Variants in PLCH2 observed in about 807,000 individuals in gnomAD.
The protein encoded by PLCH2 is 1-phosphatidylinositol 4,5-bisphosphate phosphodiesterase eta-2.
Under a neutral mutation model 134.7 loss-of-function variants are expected in PLCH2, and 98 were observed. The observed-to-expected ratio is 0.73, with a 90% CI of 0.62 to 0.86. The LOEUF is 0.86. Ranked by LOEUF, PLCH2 falls within the 40% of genes least tolerant of loss-of-function variation. The pLI is 0.00. For missense variants in PLCH2, 1,994 were observed against 1,986.6 expected, an observed-to-expected ratio of 1.00 and a Z score of -0.07; for synonymous variants, 974 against 827.5, an observed-to-expected ratio of 1.18 and a Z score of -3.04.
chr1:2,496,997 C>T lies in PLCH2; in HGVS notation c.2103C>T (p.Ala701=), dbSNP rs771483767. ...SNYNPQPFWN[A]GCQMVALNYQ... is the part of the protein sequence containing the mutation. ...ACAACCCGCAGCCCTTCTGGAACGCCGGCTGCCAAATGGGTGGGTGCGGGC... is the reference window on the plus strand; with the variant it reads ...ACAACCCGCAGCCCTTCTGGAACGCTGGCTGCCAAATGGGTGGGTGCGGGC... The change falls in exon 15 of 22, where the codon GCC becomes GCT. Residue 701 remains alanine (A), a synonymous_variant. Transcript: ENST00000378486. 5.0e-6 allele frequency: 8 copies of T among 1,612,792 alleles called. No homozygotes were observed. Among genetic ancestry groups the T allele is most frequent in the Middle Eastern group, 3.3e-4 (2 of 6,084 alleles).
chr1:2,484,745 G>T (rs1642201141), intron 5 of PLCH2, 127 bp downstream of exon 5: 1 of 982,344 alleles, frequency 1.0e-6, no homozygotes, highest in Non-Finnish European at 1.5e-6. Context: ...GGCCAGGGAT[G>T]GGCTACCTGG....
chr1:2,458,099 G>A (rs562027234), intron 2 of PLCH2, among the ~76,000 whole-genome samples: 7 of 152,126 alleles, frequency 4.6e-5, no homozygotes, highest in Non-Finnish European at 8.8e-5. Flanking sequence ...GGGCCATGCC[G>A]TCACTGTGGG....
At chr1:2,497,294 C>T (rs1255053991) in intron 15 of PLCH2, among the ~76,000 whole-genome samples, 2 of 152,264 alleles carry the variant, frequency 1.3e-5, no homozygotes, top group African/African-American at 4.8e-5. Context: ...GCTGGCTGCG[C>T]CAGCTCCGGG....
chr1:2,489,123 A>G, intron 8 of PLCH2, 84 bp from the exon 9 acceptor site: 1 of 1,247,030 alleles, frequency 8.0e-7, no homozygotes, highest in Non-Finnish European at 1.1e-6. Context: ...AATGGTTTAG[A>G]TGACCTGGGA....
At chr1:2,497,643 C>A in intron 16 of PLCH2, 34 bp downstream of exon 16, 1 of 1,427,740 alleles carries the variant, frequency 7.0e-7, no homozygotes. Context: ...CTCGGACGCT[C>A]AGGGCTCGGA....
chr1:2,494,355 C>T (rs890535461), intron 11 of PLCH2: 3 of 180,342 alleles, frequency 1.7e-5, no homozygotes, highest in Non-Finnish European at 3.5e-5. Flanking sequence ...GGTTCCCCAG[C>T]TCAGAACCCG....
chr1:2,468,625 G>C (rs1283237443), intron 1 of PLCH2, among the ~76,000 whole-genome samples: 1 of 152,264 alleles, frequency 6.6e-6, no homozygotes, highest in East Asian at 1.9e-4. Context: ...AAGTGGCTCA[G>C]GCCAGACACC....
chr1:2,472,630 T>A (rs1641380992), upstream of PLCH2, among the ~76,000 whole-genome samples: 1 of 152,244 alleles, frequency 6.6e-6, no homozygotes, highest in Non-Finnish European at 1.5e-5. Flanking sequence ...GTCAGGCCAA[T>A]GCCAGCCGGG....
intron 1 of PLCH2, among the ~76,000 whole-genome samples, chr1:2,469,488 C>G (rs1641224633): frequency 6.6e-6 from 1 of 152,244 alleles, no homozygotes; most frequent in Admixed American, 6.5e-5. Flanking sequence ...AGCTAATGAG[C>G]TGATGACGAT....
chr1:2,418,535 A>T, the PLCH2 span, among the ~76,000 whole-genome samples: 3 of 152,234 alleles, frequency 2.0e-5, no homozygotes, highest in Non-Finnish European at 4.4e-5. Context: ...GGTGTGGGTC[A>T]TCCACTCCTG....
At chr1:2,432,544 G>A (rs1639117226) in intron 2 of PLCH2, among the ~76,000 whole-genome samples, 1 of 152,204 alleles carries the variant, frequency 6.6e-6, no homozygotes, top group African/African-American at 2.4e-5. Context: ...GAATGCAAAT[G>A]ACTGCTGGGC....
chr1:2,425,256 T>C (rs1356353948), upstream of PLCH2, among the ~76,000 whole-genome samples: 2 of 145,198 alleles, frequency 1.4e-5, no homozygotes, highest in African/African-American at 2.8e-5. Flanking sequence ...AACACACACA[T>C]ACATACACAC....
intron 21 of PLCH2, chr1:2,502,676 C>T: frequency 1.4e-6 from 1 of 700,496 alleles, no homozygotes. Flanking sequence ...TCACGCTATC[C>T]CGGGGAGAAG....
intron 2 of PLCH2, among the ~76,000 whole-genome samples, chr1:2,432,273 G>A (rs988793558): frequency 5.8e-4 from 88 of 152,320 alleles, no homozygotes; most frequent in African/African-American, 2.1e-3. Flanking sequence ...TGGGGATGGG[G>A]GTCAGGTCCG....
intron 11 of PLCH2, among the ~76,000 whole-genome samples, chr1:2,492,863 A>C (rs1404615264): frequency 6.6e-6 from 1 of 152,118 alleles, no homozygotes; most frequent in Middle Eastern, 3.2e-3. Flanking sequence ...CGAGTCCCTG[A>C]GGCCCGGGGG....
intron 2 of PLCH2, among the ~76,000 whole-genome samples, chr1:2,434,648 G>C (rs1639237603): frequency 6.6e-6 from 1 of 152,230 alleles, no homozygotes; most frequent in Non-Finnish European, 1.5e-5. Context: ...GCAAGGGCCT[G>C]GCTTCCAGCA....
In PLCH2 at chr1:2,504,267, C is replaced by A. The variant is rs1342972526; in HGVS notation, c.3305C>A (p.Thr1102Lys). 1 of 1,593,794 alleles carries A rather than the reference C, an allele frequency of 6.3e-7. No individual in the cohort carries two copies. The highest frequency in any genetic ancestry group is 8.5e-7 in the Non-Finnish European group (1 of 1,171,848). Reference protein sequence around the residue: ...RRVKSEGQVPTEPLGGWRPLA... With the variant: ...RRVKSEGQVPKEPLGGWRPLA... ...GTGAAGAGTGAGGGGCAGGTGCCCA[C>A]GGAGCCCCTGGGAGGGTGGCGGCCC... is the stretch of plus-strand genomic sequence containing the variant. Residue 1102 changes from threonine (T) to lysine (K), a missense_variant, in exon 22 of 22, where the codon ACG (threonine) becomes AAG (lysine). Coordinates refer to ENST00000378486, the MANE Select transcript of PLCH2 (RefSeq NM_014638.4).
At chr1:2,467,420 G>A (rs1186805533), upstream of PLCH2, 1 of 384,126 alleles carries the variant, frequency 2.6e-6, no homozygotes, top group Non-Finnish European at 4.5e-6. Context: ...TCCCAGCGGC[G>A]GCCCCGTCCC....
Position 2,486,966 on chromosome 1 carries a change from A to G in PLCH2, c.876A>G (p.Pro292=), listed in dbSNP as rs1476103078. ...QDIIEQFEPC[P]ENKSKGLLGI... Reference sequence around the variant, plus strand: ...TCATCGAGCAGTTTGAGCCATGCCCAGAAAACAAGAGTAAGGGGCTGCTGG... The same window carrying G: ...TCATCGAGCAGTTTGAGCCATGCCCGGAAAACAAGAGTAAGGGGCTGCTGG... Residue 292 remains proline (P), a synonymous_variant, in exon 6 of 22, where the codon CCA becomes CCG. Transcript: ENST00000378486. 1.2e-6 allele frequency: 2 copies of G among 1,606,698 alleles called. No individual in the cohort carries two copies. Among genetic ancestry groups the G allele is most frequent in the Non-Finnish European group, 1.7e-6 (2 of 1,176,876 alleles).
Sources: allele counts gnomAD v4.1 joint callset (sites outside exome capture counted in the v4.1 genomes callset), GRCh38; gene constraint gnomAD v4.1.1; transcripts MANE v1.5; gene names NCBI Gene and HGNC (gene_info 2026-07-23, HGNC 2026-07-21).